Variants in CBLB observed in about 807,000 individuals in gnomAD.
CBLB encodes the protein Cbl proto-oncogene B.
In CBLB, 31 loss-of-function variants were observed where a neutral mutation model predicts 104.9. The observed-to-expected ratio is 0.30, with a 90% CI of 0.22 to 0.40. The LOEUF (loss-of-function observed/expected upper bound fraction) is 0.40. Among genes scored for constraint, CBLB ranks in the 10% least tolerant of loss-of-function variants. The pLI, the probability that CBLB is intolerant of heterozygous loss-of-function variation, is 1.00. For missense variants in CBLB, 1,062 were observed against 1,214.6 expected, an observed-to-expected ratio of 0.87 and a Z score of 1.87; for synonymous variants, 440 against 422.6, an observed-to-expected ratio of 1.04 and a Z score of -0.51.
intron 5 of CBLB, among the ~76,000 whole-genome samples, chr3:105,748,682 A>G (rs2076331108): frequency 6.6e-6 from 1 of 152,220 alleles, no homozygotes; most frequent in Non-Finnish European, 1.5e-5. Context: ...GGAAATGAGG[A>G]AGGTGACCAC....
intron 12 of CBLB, among the ~76,000 whole-genome samples, chr3:105,701,012 T>C (rs2069020410): frequency 6.6e-6 from 1 of 152,178 alleles, no homozygotes; most frequent in African/African-American, 2.4e-5. Flanking sequence ...ATTATAGTCT[T>C]CAGAAGAGCC....
At chr3:105,803,004 T>C (rs1255717314) in intron 3 of CBLB, among the ~76,000 whole-genome samples, 2 of 152,176 alleles carry the variant, frequency 1.3e-5, no homozygotes, top group Non-Finnish European at 2.9e-5. Flanking sequence ...TTTAAACCCG[T>C]AGTGTTGATG....
chr3:105,716,187 A>G (rs2071837571), intron 10 of CBLB, among the ~76,000 whole-genome samples: 2 of 152,256 alleles, frequency 1.3e-5, no homozygotes, highest in African/African-American at 2.4e-5. Context: ...TGACCATGTG[A>G]CATTTGTTTA....
At chr3:105,729,484 C>T (rs1219968935) in intron 9 of CBLB, among the ~76,000 whole-genome samples, 3 of 152,000 alleles carry the variant, frequency 2.0e-5, no homozygotes, top group African/African-American at 7.2e-5. Flanking sequence ...GTTAAGCTTG[C>T]AAATTTAATC....
chr3:105,803,316 AT>A (rs2083120182), intron 3 of CBLB, among the ~76,000 whole-genome samples: 13 of 151,936 alleles, frequency 8.6e-5, no homozygotes, highest in Admixed American at 8.5e-4. Flanking sequence ...CCTGCAATTT[AT>A]TTTTCAAGCC....
Position 105,702,250 on chromosome 3 carries a change from A to G in CBLB, c.1803T>C (p.Thr601=). The G allele has an allele frequency of 6.2e-7, 1 of 1,614,090 alleles. No individual in the cohort carries two copies. Among genetic ancestry groups the G allele is most frequent in the Non-Finnish European group, 8.5e-7 (1 of 1,180,002 alleles). The change falls in exon 12 of 19, where the codon ACT becomes ACC. Residue 601 remains threonine, a synonymous_variant. Coordinates refer to ENST00000394030, the MANE Select transcript of CBLB (RefSeq NM_170662.5). ...EAWCPRDVFG[T]NQLVGCRLLG... is the part of the protein sequence containing the mutation. ...GGAGTCGACATCCCACAAGCTGATT[A>G]GTCCCAAACACATCCCGAGGGCACC...
chr3:105,768,039 A>G (rs764282798), intron 4 of CBLB, among the ~76,000 whole-genome samples: 3 of 152,222 alleles, frequency 2.0e-5, no homozygotes, highest in Non-Finnish European at 4.4e-5. Flanking sequence ...TTAAATGTAC[A>G]ATGGTTCCTG....
intron 12 of CBLB, among the ~76,000 whole-genome samples, chr3:105,699,948 T>C (rs2068859129): frequency 6.6e-6 from 1 of 152,082 alleles, no homozygotes; most frequent in South Asian, 2.1e-4. Flanking sequence ...TATATGAGAT[T>C]AGAACTTAGG....
intron 5 of CBLB, chr3:105,749,714 T>G: frequency 3.8e-6 from 1 of 262,140 alleles, no homozygotes; most frequent in Non-Finnish European, 7.8e-6. Flanking sequence ...CTATTTAGAA[T>G]GTCTTTGTAT....
chr3:105,843,383 T>C (rs2089817574), intron 3 of CBLB, among the ~76,000 whole-genome samples: 1 of 152,218 alleles, frequency 6.6e-6, no homozygotes, highest in African/African-American at 2.4e-5. Flanking sequence ...TTATTTATTT[T>C]CTATGTGCAA....
chr3:105,856,348 C>CAAAAAAAAAAAAAAAAA (rs1169479720), intron 2 of CBLB, among the ~76,000 whole-genome samples: 1 of 31,082 alleles, frequency 3.2e-5, no homozygotes, highest in Non-Finnish European at 6.6e-5. Context: ...GACTCCATCT[C>CAAAAAAAAAAAAAAAAA]AAAAAAAAAA....
At chr3:105,847,493 A>G (rs146258871) in intron 3 of CBLB, among the ~76,000 whole-genome samples, 435 of 151,960 alleles carry the variant, frequency 2.9e-3, no homozygotes, top group African/African-American at 0.01. Context: ...AGGCTCTGAA[A>G]TGACATTAAT....
At chr3:105,805,422 A>G (rs1296155150) in intron 3 of CBLB, among the ~76,000 whole-genome samples, 2 of 151,562 alleles carry the variant, frequency 1.3e-5, no homozygotes, top group African/African-American at 4.9e-5. Flanking sequence ...CCTGTGCCTC[A>G]GCTTCCCAAA....
At position 105,802,408 on chromosome 3, in the gene CBLB, T is replaced by C. The variant is rs370500204; in HGVS notation, c.420-25866A>G. Among the ~76,000 whole-genome samples the C allele has an allele frequency of 3.3e-5, 5 of 152,320 alleles. No individual in the cohort carries two copies. In the East Asian group the frequency reaches 9.6e-4, roughly 29 times the overall value. ...GGTCACCATTAGACTCTTAAAGGTA[T>C]CTGTGAGCCAAAAGAGCTTAGGAAC... is the stretch of plus-strand genomic sequence containing the variant. On this transcript the variant is annotated intron_variant, in intron 3 of 18. Coordinates refer to ENST00000394030, the MANE Select transcript of CBLB (RefSeq NM_170662.5).
At chr3:105,713,104 T>C (rs9841245) in intron 10 of CBLB, among the ~76,000 whole-genome samples, 1,832 of 152,256 alleles carry the variant, frequency 0.012, 33 homozygotes, top group African/African-American at 0.042. Context: ...ACCCCATCTT[T>C]GTTAATTTAC....
At chr3:105,808,100 T>A (rs924058011) in intron 3 of CBLB, among the ~76,000 whole-genome samples, 1 of 152,206 alleles carries the variant, frequency 6.6e-6, no homozygotes, top group African/African-American at 2.4e-5. Flanking sequence ...CTATTTAAGC[T>A]TCAGTGCTAA....
At chr3:105,868,288 G>C (rs1260815275) in intron 1 of CBLB, 7 of 1,134,564 alleles carry the variant, frequency 6.2e-6, no homozygotes, top group Middle Eastern at 3.3e-4. Context: ...GAAAGGAGGA[G>C]TTCACTTCTC....
At chr3:105,770,204 A>T (rs2078699470) in intron 4 of CBLB, among the ~76,000 whole-genome samples, 1 of 152,120 alleles carries the variant, frequency 6.6e-6, no homozygotes, top group East Asian at 1.9e-4. Flanking sequence ...CAACACAGGA[A>T]CTTAGGAAAA....
In CBLB at chr3:105,685,266, C is replaced by A. The variant is rs2066862925; in HGVS notation, c.2201+54G>T. ...ATCAATTGTTTAAAAACAAACATTA[C>A]AAATGATAATGCTTATGCAGATGTA... On this transcript the variant is annotated intron_variant, in intron 14 of 18. Coordinates refer to ENST00000394030, the MANE Select transcript of CBLB (RefSeq NM_170662.5). 5.5e-6 allele frequency: 8 copies of A among 1,459,486 alleles called. No individual in the cohort carries two copies. The Admixed American group carries it at 1.3e-4, about 24-fold the overall frequency. The allele number at this position is 1,459,486 out of a possible 1,614,324, so 90.4% of individuals were successfully genotyped here.
Sources: gnomAD v4.1 joint callset for allele counts (sites outside exome capture counted in the v4.1 genomes callset) on GRCh38, gnomAD v4.1.1 for gene constraint, MANE v1.5 for transcripts, NCBI Gene and HGNC (gene_info 2026-07-23, HGNC 2026-07-21) for gene names.